GPC6: variants seen among roughly 807,000 people sequenced by gnomAD.
GPC6 encodes the protein glypican 6.
A neutral mutation model predicts 55.2 loss-of-function variants in GPC6; 14 were observed. That is an observed-to-expected ratio of 0.25 (90% CI 0.17 to 0.40). The LOEUF is 0.40. Among genes scored for constraint, GPC6 ranks in the 10% least tolerant of loss-of-function variants. The pLI is 1.00. For missense variants in GPC6, 641 were observed against 708.5 expected (o/e 0.90, Z 1.08); for synonymous variants, 278 against 259.6 (o/e 1.07, Z -0.68).
intron 4 of GPC6, among the ~76,000 whole-genome samples, chr13:94,277,079 C>T (rs1402203823): frequency 6.6e-6 from 1 of 152,216 alleles, no homozygotes; most frequent in African/African-American, 2.4e-5. Context: ...CCTATGTCCC[C>T]ACAGCCTCGC....
At chr13:94,108,994 C>A (rs1886150941) in intron 4 of GPC6, among the ~76,000 whole-genome samples, 1 of 152,214 alleles carries the variant, frequency 6.6e-6, no homozygotes, top group East Asian at 1.9e-4. Flanking sequence ...CTATTCTGCC[C>A]GAGTTTTATT....
the GPC6 span, among the ~76,000 whole-genome samples, chr13:93,218,592 G>A: frequency 6.6e-6 from 1 of 152,212 alleles, no homozygotes; most frequent in African/African-American, 2.4e-5. Flanking sequence ...GAAGATGGAA[G>A]TATGTTTGTG....
At chr13:94,350,130 G>T (rs936735409) in intron 6 of GPC6, among the ~76,000 whole-genome samples, 1 of 151,618 alleles carries the variant, frequency 6.6e-6, no homozygotes, top group Non-Finnish European at 1.5e-5. Flanking sequence ...TTCATCTTTG[G>T]TATCTTTGAA....
intron 3 of GPC6, among the ~76,000 whole-genome samples, chr13:93,985,489 C>T (rs1220804299): frequency 1.3e-5 from 2 of 151,068 alleles, no homozygotes; most frequent in Non-Finnish European, 3.0e-5. Context: ...GCGACACCAC[C>T]TAGCTCTACA....
intron 4 of GPC6, among the ~76,000 whole-genome samples, chr13:94,075,671 G>T (rs1884887716): frequency 6.6e-6 from 1 of 152,084 alleles, no homozygotes; most frequent in Non-Finnish European, 1.5e-5. Context: ...CTATGAGTTT[G>T]ACTATTTCAG....
chr13:93,817,528 A>G (rs559181518), intron 2 of GPC6, among the ~76,000 whole-genome samples: 1 of 152,298 alleles, frequency 6.6e-6, no homozygotes, highest in Admixed American at 6.5e-5. Flanking sequence ...CTTTGCTAAT[A>G]AATATCAAAG....
intron 4 of GPC6, among the ~76,000 whole-genome samples, chr13:94,181,109 G>A (rs1888978206): frequency 6.6e-6 from 1 of 152,102 alleles, no homozygotes; most frequent in Non-Finnish European, 1.5e-5. Flanking sequence ...AGAGAGCTCT[G>A]GACTCATCAA....
chr13:93,575,339 C>G (rs11841035), intron 2 of GPC6, among the ~76,000 whole-genome samples: 1,582 of 152,190 alleles, frequency 0.01, 23 homozygotes, highest in African/African-American at 0.036. Context: ...ACTTAAAACT[C>G]TATTGATGGG....
At chr13:94,047,749 G>A (rs563298134) in intron 4 of GPC6, among the ~76,000 whole-genome samples, 114 of 152,202 alleles carry the variant, frequency 7.5e-4, no homozygotes, top group African/African-American at 2.7e-3. Flanking sequence ...ACCAAAACCA[G>A]AGCAGTAAAA....
chr13:94,346,583 G>C (rs1427877016), intron 6 of GPC6, among the ~76,000 whole-genome samples: 1 of 152,014 alleles, frequency 6.6e-6, no homozygotes. Context: ...ATAGCTGGGC[G>C]TAGTGGCGGG....
At chr13:93,605,256 A>T (rs987268588) in intron 2 of GPC6, among the ~76,000 whole-genome samples, 1 of 152,202 alleles carries the variant, frequency 6.6e-6, no homozygotes, top group Non-Finnish European at 1.5e-5. Context: ...AAATCCTACA[A>T]CTATAACTAA....
At chr13:93,653,875 A>G (rs1880536866) in intron 2 of GPC6, among the ~76,000 whole-genome samples, 1 of 152,170 alleles carries the variant, frequency 6.6e-6, no homozygotes, top group Non-Finnish European at 1.5e-5. Flanking sequence ...GGCATTTTAA[A>G]TTTGGATAGG....
chr13:93,521,975 C>T (rs1372029758), intron 1 of GPC6, among the ~76,000 whole-genome samples: 2 of 151,846 alleles, frequency 1.3e-5, no homozygotes, highest in African/African-American at 4.8e-5. Flanking sequence ...ATTTAAGTCA[C>T]CTTTATCCTT....
rs149603089 is a variant in GPC6, at chr13:93,689,921, T to C, written c.320-140233T>C. ...AGTCATTCAGCCTAAGCAGGCCTTA[T>C]ATATAGTGAAACCAGTATCTGTTAG... On this transcript the variant is annotated intron_variant, in intron 2 of 8. Coordinates refer to ENST00000377047, the MANE Select transcript of GPC6 (RefSeq NM_005708.5). Among the ~76,000 whole-genome samples the C allele has an allele frequency of 1.3e-3, 196 of 152,246 alleles. 1 individual carries two copies. Among genetic ancestry groups the C allele is most frequent in the African/African-American group, 4.5e-3 (187 of 41,570 alleles).
At chr13:93,605,841 A>AT (rs1457653015) in intron 2 of GPC6, among the ~76,000 whole-genome samples, 34 of 145,972 alleles carry the variant, frequency 2.3e-4, no homozygotes, top group Admixed American at 1.9e-3. Context: ...GACCGTCTCA[A>AT]TAAAAAAAAA....
chr13:93,655,398 G>T (rs1880618667), intron 2 of GPC6, among the ~76,000 whole-genome samples: 1 of 152,136 alleles, frequency 6.6e-6, no homozygotes, highest in South Asian at 2.1e-4. Context: ...GAGTGGTACA[G>T]ATGGTGCAGC....
At chr13:93,532,838 A>G (rs1381741411) in intron 1 of GPC6, among the ~76,000 whole-genome samples, 1 of 151,854 alleles carries the variant, frequency 6.6e-6, no homozygotes, top group Non-Finnish European at 1.5e-5. Flanking sequence ...CCTGATTTAA[A>G]CAATTAGCTA....
At chr13:93,671,613 G>GTT (rs34079897) in intron 2 of GPC6, among the ~76,000 whole-genome samples, 19 of 151,138 alleles carry the variant, frequency 1.3e-4, no homozygotes, top group South Asian at 2.1e-4. Context: ...TTTTTTAGGG[G>GTT]TTTTTTTTGG....
At chr13:93,527,012 C>T (rs1466462586) in intron 1 of GPC6, among the ~76,000 whole-genome samples, 1 of 151,806 alleles carries the variant, frequency 6.6e-6, no homozygotes, top group East Asian at 1.9e-4. Context: ...GTGCCCTAAG[C>T]ATTGTGTTTT....
Sources: gnomAD v4.1 joint callset for allele counts (sites outside exome capture counted in the v4.1 genomes callset) on GRCh38, gnomAD v4.1.1 for gene constraint, MANE v1.5 for transcripts, NCBI Gene and HGNC (gene_info 2026-07-23, HGNC 2026-07-21) for gene names.